SOX5: variants seen among roughly 807,000 people sequenced by gnomAD.
SOX5 encodes SRY-box transcription factor 5, also known as transcription factor SOX-5.
A neutral mutation model predicts 92.0 loss-of-function variants in SOX5; 9 were observed. The observed-to-expected ratio is 0.10, with a 90% CI of 0.06 to 0.17. The LOEUF is 0.17. SOX5 is among the 10% of genes least tolerant of loss of function. The probability of loss-of-function intolerance (pLI) is 1.00; values close to 1 mark genes in which losing one functional copy is unlikely to be tolerated. For synonymous variants in SOX5, 344 were observed against 336.3 expected, an observed-to-expected ratio of 1.02 and a Z score of -0.25; for missense variants, 642 against 944.5, an observed-to-expected ratio of 0.68 and a Z score of 4.20.
intron 3 of SOX5, among the ~76,000 whole-genome samples, chr12:23,827,486 C>T (rs1555367685): frequency 3.9e-5 from 6 of 152,130 alleles, no homozygotes; most frequent in Non-Finnish European, 8.8e-5. Context: ...GTAAACACAC[C>T]AAACAAAAGA....
chr12:23,730,111 CAACT>C (rs1175303644), intron 6 of SOX5, among the ~76,000 whole-genome samples: 4 of 151,656 alleles, frequency 2.6e-5, no homozygotes, highest in South Asian at 2.1e-4. Context: ...AAACATAAAG[CAACT>C]AACTATCAAT....
chr12:24,003,397 A>T (rs1180511125), intron 4 of SOX5, among the ~76,000 whole-genome samples: 7 of 152,016 alleles, frequency 4.6e-5, no homozygotes, highest in Non-Finnish European at 7.4e-5. Flanking sequence ...GTTTGATCCT[A>T]TATGAAGAAA....
At chr12:24,343,803 A>G (rs1952864348) in intron 2 of SOX5, among the ~76,000 whole-genome samples, 1 of 152,182 alleles carries the variant, frequency 6.6e-6, no homozygotes, top group Non-Finnish European at 1.5e-5. Flanking sequence ...CCAAGGCAGA[A>G]GTAGGAAGTG....
At chr12:23,829,149 A>C (rs981042381) in intron 3 of SOX5, among the ~76,000 whole-genome samples, 1 of 152,096 alleles carries the variant, frequency 6.6e-6, no homozygotes, top group Non-Finnish European at 1.5e-5. Context: ...CACTAGAACC[A>C]ACCCAAACAG....
chr12:24,295,721 A>T (rs1400884672), intron 2 of SOX5, among the ~76,000 whole-genome samples: 1 of 126,854 alleles, frequency 7.9e-6, no homozygotes, highest in Non-Finnish European at 1.7e-5. Flanking sequence ...GCACACCAGC[A>T]CATCTGGCTA....
intron 4 of SOX5, among the ~76,000 whole-genome samples, chr12:24,205,606 T>C (rs1188563741): frequency 6.6e-6 from 1 of 152,166 alleles, no homozygotes; most frequent in African/African-American, 2.4e-5. Flanking sequence ...ACCCATTGCA[T>C]CCCACTTAGA....
chr12:24,378,508 G>A (rs183070764), intron 1 of SOX5, among the ~76,000 whole-genome samples: 2 of 152,242 alleles, frequency 1.3e-5, no homozygotes, highest in Non-Finnish European at 2.9e-5. Context: ...CTTGCTCAAG[G>A]GATCTTAACT....
chr12:24,361,611 TTGTG>T (rs3031192), intron 2 of SOX5, among the ~76,000 whole-genome samples: 57 of 150,358 alleles, frequency 3.8e-4, no homozygotes, highest in South Asian at 1.3e-3. Flanking sequence ...TTTTCAGGTT[TTGTG>T]TGTGTGTGTG....
intron 4 of SOX5, among the ~76,000 whole-genome samples, chr12:24,018,340 A>G (rs189217908): frequency 1.3e-5 from 2 of 152,328 alleles, no homozygotes; most frequent in African/African-American, 4.8e-5. Flanking sequence ...ACAGCTGAAT[A>G]TATTTTAGGA....
At chr12:23,812,926 G>A (rs2142465792) in intron 3 of SOX5, among the ~76,000 whole-genome samples, 1 of 152,270 alleles carries the variant, frequency 6.6e-6, no homozygotes, top group Non-Finnish European at 1.5e-5. Flanking sequence ...CAGTTATTGT[G>A]AGAACTAAAA....
chr12:24,467,301 A>G (rs1276750207), intron 1 of SOX5, among the ~76,000 whole-genome samples: 2 of 152,222 alleles, frequency 1.3e-5, no homozygotes, highest in Non-Finnish European at 2.9e-5. Flanking sequence ...TTAGCCCAAT[A>G]TTTGAGCAGT....
At chr12:23,645,150 G>C (rs936016048) in intron 7 of SOX5, among the ~76,000 whole-genome samples, 1 of 152,084 alleles carries the variant, frequency 6.6e-6, no homozygotes, top group African/African-American at 2.4e-5. Flanking sequence ...ATCATCAGTA[G>C]GTAGTATAGG....
Position 24,355,282 on chromosome 12 carries a change from C to CAATTTTTT in SOX5, c.-174+13280_-174+13281insAAAAAATT, listed in dbSNP as rs1221012836. On this transcript the variant is annotated intron_variant, in intron 2 of 4. Transcript: ENST00000446891. Reference sequence around the variant, plus strand: ...TTAGCAGGTGTGGTGAGGGGTGCATCTTTTTTTTTTTTTTTTTTTTTTTTT... The same window carrying CAATTTTTT: ...TTAGCAGGTGTGGTGAGGGGTGCATCAATTTTTTTTTTTTTTTTTTTTTTTTTTTTTTT... Among the ~76,000 whole-genome samples, 59 of 71,930 alleles carry CAATTTTTT rather than the reference C, an allele frequency of 8.2e-4. 2 individuals are homozygous for CAATTTTTT. The highest frequency in any genetic ancestry group is 1.1e-3 in the African/African-American group (15 of 13,614). The allele number at this position is 71,930 out of a possible 152,430, so 47.2% of individuals were successfully genotyped here. A position where few individuals can be genotyped will look rare whatever the true frequency, so the allele number is the denominator to read the frequency against.
chr12:24,441,142 A>T (rs949809429), intron 1 of SOX5, among the ~76,000 whole-genome samples: 1 of 152,224 alleles, frequency 6.6e-6, no homozygotes, highest in Non-Finnish European at 1.5e-5. Flanking sequence ...GACTTTGATC[A>T]GAAGGAACAA....
At chr12:23,804,340 C>T (rs2095717534) in intron 3 of SOX5, among the ~76,000 whole-genome samples, 1 of 152,116 alleles carries the variant, frequency 6.6e-6, no homozygotes, top group South Asian at 2.1e-4. Flanking sequence ...ATATCTATAA[C>T]AGCATATCCA....
chr12:23,631,616 T>A (rs969727538), intron 8 of SOX5, among the ~76,000 whole-genome samples: 1 of 152,080 alleles, frequency 6.6e-6, no homozygotes, highest in Non-Finnish European at 1.5e-5. Context: ...CAGGATACTA[T>A]CAAGGAATGG....
At chr12:24,075,969 G>T (rs1337445002) in intron 4 of SOX5, among the ~76,000 whole-genome samples, 9 of 152,332 alleles carry the variant, frequency 5.9e-5, no homozygotes, top group East Asian at 3.9e-4. Flanking sequence ...TCAACACTTA[G>T]ATATGGAGTA....
At chr12:23,796,831 T>C (rs2095569380) in intron 3 of SOX5, among the ~76,000 whole-genome samples, 1 of 148,704 alleles carries the variant, frequency 6.7e-6, no homozygotes, top group South Asian at 2.1e-4. Flanking sequence ...TAAACATTTT[T>C]TCACATTGCA....
chr12:23,542,074 C>T (rs886506290), intron 13 of SOX5, among the ~76,000 whole-genome samples: 1 of 152,218 alleles, frequency 6.6e-6, no homozygotes, highest in Non-Finnish European at 1.5e-5. Flanking sequence ...CACACCACTG[C>T]ACTCCAGCCT....
Sources: allele counts gnomAD v4.1 joint callset (sites outside exome capture counted in the v4.1 genomes callset), GRCh38; gene constraint gnomAD v4.1.1; transcripts MANE v1.5; gene names NCBI Gene and HGNC (gene_info 2026-07-23, HGNC 2026-07-21).